The following HS3ST4 variants were observed in gnomAD, a reference collection of about 807,000 sequenced individuals.
HS3ST4 encodes the protein heparan sulfate glucosamine 3-O-sulfotransferase 4.
Under a neutral mutation model 29.2 loss-of-function variants are expected in HS3ST4, and 17 were observed. That is an observed-to-expected ratio of 0.58 (90% CI 0.40 to 0.87). The LOEUF (loss-of-function observed/expected upper bound fraction) is 0.87, where lower values mean the gene tolerates loss of function less well. HS3ST4 is among the 40% of genes least tolerant of loss of function. The pLI, the probability that HS3ST4 is intolerant of heterozygous loss-of-function variation, is 0.00. For missense variants in HS3ST4, 627 were observed against 634.5 expected (o/e 0.99, Z 0.13); for synonymous variants, 314 against 285.7 (o/e 1.10, Z -1.00).
At chr16:25,872,466 G>C (rs1223210219) in intron 1 of HS3ST4, among the ~76,000 whole-genome samples, 1 of 152,230 alleles carries the variant, frequency 6.6e-6, no homozygotes, top group African/African-American at 2.4e-5. Flanking sequence ...TCTGCAGTCA[G>C]CTGCCAAGGA....
At chr16:25,899,470 T>C (rs895409222) in intron 1 of HS3ST4, among the ~76,000 whole-genome samples, 3 of 152,042 alleles carry the variant, frequency 2.0e-5, no homozygotes, top group African/African-American at 7.2e-5. Context: ...CAGTGCAATG[T>C]CAGGACAGGT....
chr16:25,706,812 T>C (rs1434066713), intron 1 of HS3ST4, among the ~76,000 whole-genome samples: 4 of 152,210 alleles, frequency 2.6e-5, no homozygotes, highest in African/African-American at 9.7e-5. Context: ...CTGAATTATT[T>C]GGTTGGAGCC....
At position 26,134,351 on chromosome 16, in the gene HS3ST4, TCTTTTC is replaced by T. The variant is rs1567320074; in HGVS notation, c.735-1260_735-1255del. On this transcript the variant is annotated intron_variant, in intron 1 of 1. Transcript: ENST00000331351. ...AATTTTCTTTTCTTTTCTTTTCTTT[TCTTTTC>T]TTTTCTTTTTTTTTTTTTTGATTGA... Among the ~76,000 whole-genome samples the T allele has an allele frequency of 2.5e-4, 29 of 115,526 alleles. No homozygotes were observed. The East Asian group carries it at 3.2e-3, about 13-fold the overall frequency. The allele number at this position is 115,526 out of a possible 152,430, so 75.8% of individuals were successfully genotyped here.
chr16:26,102,256 ATTT>A (rs5816353), intron 1 of HS3ST4, among the ~76,000 whole-genome samples: 6 of 151,294 alleles, frequency 4.0e-5, no homozygotes, highest in South Asian at 2.1e-4. Context: ...CACAGCAATG[ATTT>A]TTTTTTTTTC....
At chr16:25,931,776 G>C (rs920624613) in intron 1 of HS3ST4, among the ~76,000 whole-genome samples, 1 of 152,218 alleles carries the variant, frequency 6.6e-6, no homozygotes, top group Non-Finnish European at 1.5e-5. Flanking sequence ...CTTTGGTTTA[G>C]CTTATTGCCA....
At chr16:25,863,505 G>A (rs72780740) in intron 1 of HS3ST4, among the ~76,000 whole-genome samples, 23,375 of 152,120 alleles carry the variant, frequency 0.15, 1,898 homozygotes, top group East Asian at 0.26. Flanking sequence ...AGAGCTTCTT[G>A]GGTCTTGTGT....
At chr16:25,926,440 A>C (rs991195983) in intron 1 of HS3ST4, among the ~76,000 whole-genome samples, 1 of 152,250 alleles carries the variant, frequency 6.6e-6, no homozygotes. Flanking sequence ...AGACCTCTGC[A>C]TGTGGTAGGC....
intron 1 of HS3ST4, among the ~76,000 whole-genome samples, chr16:25,794,466 T>A (rs1459691076): frequency 6.6e-6 from 1 of 152,112 alleles, no homozygotes; most frequent in Non-Finnish European, 1.5e-5. Context: ...GTCCTTATTT[T>A]TTTTTTTCAC....
intron 1 of HS3ST4, among the ~76,000 whole-genome samples, chr16:25,972,921 C>G (rs1373896740): frequency 2.0e-5 from 3 of 152,154 alleles, no homozygotes; most frequent in South Asian, 2.1e-4. Flanking sequence ...TACTACTACT[C>G]TGATTATTAT....
At chr16:25,960,153 G>A (rs1019662138) in intron 1 of HS3ST4, among the ~76,000 whole-genome samples, 1 of 151,852 alleles carries the variant, frequency 6.6e-6, no homozygotes, top group African/African-American at 2.4e-5. Flanking sequence ...AAAGAATCTG[G>A]GACCTTCCCC....
chr16:26,113,239 G>A (rs1419378083), intron 1 of HS3ST4, among the ~76,000 whole-genome samples: 1 of 152,052 alleles, frequency 6.6e-6, no homozygotes, highest in African/African-American at 2.4e-5. Context: ...ACATATAGGA[G>A]TTCAAGACCA....
At chr16:25,711,867 G>GAC (rs1191447579) in intron 1 of HS3ST4, among the ~76,000 whole-genome samples, 4 of 152,170 alleles carry the variant, frequency 2.6e-5, no homozygotes, top group Admixed American at 2.0e-4. Context: ...GGCCTCAAGT[G>GAC]ACCTGCTCGC....
intron 1 of HS3ST4, among the ~76,000 whole-genome samples, chr16:25,899,610 AT>A (rs1449317677): frequency 1.3e-5 from 2 of 151,080 alleles, no homozygotes; most frequent in African/African-American, 4.9e-5. Context: ...TGTTCAAGCA[AT>A]TTTCCTGTGT....
At chr16:25,771,671 C>A (rs1966842400) in intron 1 of HS3ST4, among the ~76,000 whole-genome samples, 3 of 152,120 alleles carry the variant, frequency 2.0e-5, no homozygotes, top group Admixed American at 2.0e-4. Flanking sequence ...GTTGTCAATT[C>A]TTTGAAGCAG....
Position 25,899,087 on chromosome 16 carries a change from C to T in HS3ST4, c.734+205936C>T, listed in dbSNP as rs576252205. 4.6e-5 allele frequency among the ~76,000 whole-genome samples: 7 copies of T among 152,332 alleles called. No individual in the cohort carries two copies. In the East Asian group the frequency reaches 1.4e-3, roughly 29 times the overall value. ...CACCTTTCTTCCTTGATGTCTTTCT[C>T]TTTCCAATCTCTCTGTTTTTGCATC... On this transcript the variant is annotated intron_variant, in intron 1 of 1. Transcript: ENST00000331351.
At chr16:25,894,984 A>G (rs1188457288) in intron 1 of HS3ST4, among the ~76,000 whole-genome samples, 1 of 152,212 alleles carries the variant, frequency 6.6e-6, no homozygotes, top group Non-Finnish European at 1.5e-5. Flanking sequence ...TGAGCGAATA[A>G]AAATCCTGGT....
intron 1 of HS3ST4, among the ~76,000 whole-genome samples, chr16:25,897,933 C>T (rs1283542047): frequency 6.6e-6 from 1 of 152,134 alleles, no homozygotes; most frequent in Non-Finnish European, 1.5e-5. Context: ...TGACAAGGTG[C>T]CTCATTTGGG....
At chr16:26,010,656 A>ATCAAATTGATAACTT (rs1969302258) in intron 1 of HS3ST4, among the ~76,000 whole-genome samples, 1 of 152,160 alleles carries the variant, frequency 6.6e-6, no homozygotes, top group Admixed American at 6.5e-5. Flanking sequence ...ATGCAAAGTT[A>ATCAAATTGATAACTT]TCAAATTGAT....
chr16:25,870,471 A>G (rs1398572471), intron 1 of HS3ST4, among the ~76,000 whole-genome samples: 1 of 152,176 alleles, frequency 6.6e-6, no homozygotes, highest in Non-Finnish European at 1.5e-5. Context: ...TGAATCAAAT[A>G]GTTGTCCTTA....
Sources: gnomAD v4.1 joint callset for allele counts (sites outside exome capture counted in the v4.1 genomes callset) on GRCh38, gnomAD v4.1.1 for gene constraint, MANE v1.5 for transcripts, NCBI Gene and HGNC (gene_info 2026-07-23, HGNC 2026-07-21) for gene names.